The following NAALADL2 variants were observed in gnomAD, a reference collection of about 807,000 sequenced individuals.
NAALADL2 encodes inactive N-acetylated-alpha-linked acidic dipeptidase-like protein 2.
A neutral mutation model predicts 87.2 loss-of-function variants in NAALADL2; 76 were observed. That is an observed-to-expected ratio of 0.87 (90% CI 0.72 to 1.05). The LOEUF (loss-of-function observed/expected upper bound fraction) is 1.05, where lower values mean the gene tolerates loss of function less well. Among genes scored for constraint, NAALADL2 ranks in the 50% least tolerant of loss-of-function variants. The probability of loss-of-function intolerance (pLI) is 0.00; values close to 1 mark genes in which losing one functional copy is unlikely to be tolerated. For synonymous variants in NAALADL2, 354 were observed against 331.0 expected (o/e 1.07, Z -0.75); for missense variants, 1,089 against 945.8 (o/e 1.15, Z -1.99).
chr3:175,228,339 G>C (rs1205435252), intron 2 of NAALADL2, among the ~76,000 whole-genome samples: 1 of 151,954 alleles, frequency 6.6e-6, no homozygotes, highest in Non-Finnish European at 1.5e-5. Context: ...TATTGTGGGA[G>C]TAGCAATCAA....
At chr3:174,866,954 A>C (rs2109578559) in intron 1 of NAALADL2, among the ~76,000 whole-genome samples, 1 of 151,926 alleles carries the variant, frequency 6.6e-6, no homozygotes, top group Non-Finnish European at 1.5e-5. Context: ...TTTCTAGATT[A>C]GAAAACCCAT....
At chr3:175,783,886 T>C (rs1237727855) in intron 13 of NAALADL2, among the ~76,000 whole-genome samples, 1 of 142,728 alleles carries the variant, frequency 7.0e-6, no homozygotes, top group East Asian at 1.9e-4. Context: ...CATCGATACC[T>C]AATTTATTGA....
At chr3:174,750,724 G>A (rs1560194131) in intron 3 of NAALADL2, among the ~76,000 whole-genome samples, 3 of 152,068 alleles carry the variant, frequency 2.0e-5, no homozygotes. Context: ...GTGAGCCACC[G>A]CACCCGGCCT....
At chr3:175,462,747 T>A (rs570395864) in intron 6 of NAALADL2, among the ~76,000 whole-genome samples, 1 of 152,310 alleles carries the variant, frequency 6.6e-6, no homozygotes. Flanking sequence ...TTGGTGTCTT[T>A]GCCTTATTTG....
intron 11 of NAALADL2, among the ~76,000 whole-genome samples, chr3:175,651,280 C>A (rs910973469): frequency 6.6e-6 from 1 of 152,018 alleles, no homozygotes; most frequent in Non-Finnish European, 1.5e-5. Context: ...ATAATGAGCA[C>A]ATCAAAATAA....
chr3:174,519,020 ATC>A (rs1720101608), intron 1 of NAALADL2, among the ~76,000 whole-genome samples: 1 of 152,216 alleles, frequency 6.6e-6, no homozygotes, highest in Admixed American at 6.5e-5. Context: ...TTAACAAGGT[ATC>A]TCTCTGTATT....
intron 2 of NAALADL2, among the ~76,000 whole-genome samples, chr3:174,624,138 C>T: frequency 6.6e-6 from 1 of 151,968 alleles, no homozygotes; most frequent in East Asian, 1.9e-4. Flanking sequence ...TCTGCATAAA[C>T]ATCATATCTC....
intron 9 of NAALADL2, among the ~76,000 whole-genome samples, chr3:175,538,282 G>A (rs1711628197): frequency 6.6e-6 from 1 of 151,532 alleles, no homozygotes; most frequent in Non-Finnish European, 1.5e-5. Context: ...ACCTTTTAAT[G>A]TTAATATAAT....
intron 5 of NAALADL2, among the ~76,000 whole-genome samples, chr3:175,399,185 A>G (rs1421483224): frequency 6.6e-6 from 1 of 152,134 alleles, no homozygotes; most frequent in Non-Finnish European, 1.5e-5. Flanking sequence ...CTTAATTACT[A>G]TATTTTGCAA....
chr3:175,726,972 C>CA (rs1325475859), intron 11 of NAALADL2, among the ~76,000 whole-genome samples: 1 of 152,080 alleles, frequency 6.6e-6, no homozygotes, highest in Non-Finnish European at 1.5e-5. Context: ...TACATACTTG[C>CA]AAAAAACTAT....
intron 4 of NAALADL2, among the ~76,000 whole-genome samples, chr3:175,280,650 G>C (rs2110078103): frequency 6.6e-6 from 1 of 152,118 alleles, no homozygotes; most frequent in African/African-American, 2.4e-5. Context: ...AAAATAACCT[G>C]TGTTTAAGAG....
At chr3:175,127,736 T>A (rs1352386677) in intron 2 of NAALADL2, among the ~76,000 whole-genome samples, 1 of 152,174 alleles carries the variant, frequency 6.6e-6, no homozygotes, top group African/African-American at 2.4e-5. Context: ...ATATTATTAA[T>A]AGCTGGGCAT....
intron 2 of NAALADL2, among the ~76,000 whole-genome samples, chr3:174,731,501 T>C (rs1418490161): frequency 6.6e-6 from 1 of 152,120 alleles, no homozygotes; most frequent in African/African-American, 2.4e-5. Flanking sequence ...ACATAATTAA[T>C]ATATTTTCAT....
At chr3:175,677,004 A>G (rs1489664955) in intron 11 of NAALADL2, among the ~76,000 whole-genome samples, 1 of 152,194 alleles carries the variant, frequency 6.6e-6, no homozygotes, top group Admixed American at 6.5e-5. Context: ...TTCTTTAAAA[A>G]AGAGTTTATA....
chr3:175,517,765 G>T (rs570027660), intron 9 of NAALADL2, among the ~76,000 whole-genome samples: 1 of 152,102 alleles, frequency 6.6e-6, no homozygotes, highest in South Asian at 2.1e-4. Flanking sequence ...AAAGGAAAAC[G>T]GCTCTCTCTC....
chr3:175,503,916 A>C (rs1729906877), intron 9 of NAALADL2, among the ~76,000 whole-genome samples: 1 of 152,212 alleles, frequency 6.6e-6, no homozygotes, highest in South Asian at 2.1e-4. Context: ...TGTGCTGTGC[A>C]GAAGCTCTTC....
intron 1 of NAALADL2, among the ~76,000 whole-genome samples, chr3:174,987,203 T>C (rs2108683810): frequency 6.6e-6 from 1 of 152,288 alleles, no homozygotes; most frequent in African/African-American, 2.4e-5. Context: ...AATATGTACA[T>C]GCTTAATAAA....
At chr3:174,828,500 G>A (rs1560264864) in intron 3 of NAALADL2, among the ~76,000 whole-genome samples, 1 of 152,146 alleles carries the variant, frequency 6.6e-6, no homozygotes, top group African/African-American at 2.4e-5. Flanking sequence ...CCTTCAGAAC[G>A]AGTGAAACTA....
chr3:175,522,614 C>T (rs546536665), intron 9 of NAALADL2, among the ~76,000 whole-genome samples: 4 of 152,294 alleles, frequency 2.6e-5, no homozygotes, highest in African/African-American at 9.6e-5. Context: ...AGTTGCTAGT[C>T]ATGTAAAAAC....
Sources: gnomAD v4.1 joint callset for allele counts (sites outside exome capture counted in the v4.1 genomes callset) on GRCh38, gnomAD v4.1.1 for gene constraint, MANE v1.5 for transcripts, NCBI Gene and HGNC (gene_info 2026-07-23, HGNC 2026-07-21) for gene names.